Variants in XPR1 observed in about 807,000 individuals in gnomAD.
XPR1 encodes the protein xenotropic and polytropic retrovirus receptor 1, also known as solute carrier family 53 member 1.
A neutral mutation model predicts 87.5 loss-of-function variants in XPR1; 28 were observed. The ratio of observed to expected loss-of-function variants is 0.32; its 90% confidence interval spans 0.24 to 0.44. XPR1 has a LOEUF of 0.44. Among genes scored for constraint, XPR1 ranks in the 20% least tolerant of loss-of-function variants. The pLI, the probability that XPR1 is intolerant of heterozygous loss-of-function variation, is 1.00. For synonymous variants in XPR1, 300 were observed against 306.1 expected, an observed-to-expected ratio of 0.98 and a Z score of 0.21; for missense variants, 559 against 862.3, an observed-to-expected ratio of 0.65 and a Z score of 4.41.
chr1:180,782,509 CAGAGAGAGAAAGAGACAG>C (rs1234369274), intron 2 of XPR1, among the ~76,000 whole-genome samples: 3 of 151,758 alleles, frequency 2.0e-5, no homozygotes, highest in South Asian at 2.1e-4. Context: ...GTGAGGGAGG[CAGAGAGAGAAAGAGACAG>C]AGAGAGAGAA....
intron 2 of XPR1, among the ~76,000 whole-genome samples, chr1:180,715,670 T>C (rs1232297720): frequency 1.3e-5 from 2 of 152,060 alleles, no homozygotes; most frequent in African/African-American, 2.4e-5. Context: ...GTTTTTTTTT[T>C]CTTTATCTTT....
intron 9 of XPR1, among the ~76,000 whole-genome samples, chr1:180,831,742 C>T (rs1289601930): frequency 2.0e-5 from 3 of 152,078 alleles, no homozygotes; most frequent in Non-Finnish European, 4.4e-5. Flanking sequence ...TTTTTTATGG[C>T]TGCATAGTAT....
intron 2 of XPR1, among the ~76,000 whole-genome samples, chr1:180,703,824 A>G (rs1376330741): frequency 6.6e-6 from 1 of 152,198 alleles, no homozygotes. Context: ...TTAAAACTGA[A>G]ATGAATTAAT....
At chr1:180,768,769 T>G (rs557233991) in intron 2 of XPR1, among the ~76,000 whole-genome samples, 251 of 152,344 alleles carry the variant, frequency 1.6e-3, no homozygotes, top group Non-Finnish European at 3.0e-3. Flanking sequence ...ATGTTGTGTT[T>G]TACCTGGTAA....
chr1:180,653,378 A>C lies in XPR1; in HGVS notation c.69+21108A>C, dbSNP rs566268550. 3.3e-5 allele frequency among the ~76,000 whole-genome samples: 5 copies of C among 152,320 alleles called. No individual in the cohort carries two copies. In the East Asian group the frequency reaches 7.7e-4, roughly 23 times the overall value. ...AAGTCTTGGAAATAAAAGGGGAAAT[A>C]TTGGTAAATTGAGAGGCCTAAAGTA... On this transcript the variant is annotated intron_variant, in intron 1 of 14. Coordinates refer to ENST00000367590, the MANE Select transcript of XPR1 (RefSeq NM_004736.4).
At chr1:180,872,974 A>G (rs1652550662) in intron 12 of XPR1, among the ~76,000 whole-genome samples, 1 of 151,318 alleles carries the variant, frequency 6.6e-6, no homozygotes, top group South Asian at 2.1e-4. Context: ...TTTTTTTTAG[A>G]ATAGCATTCT....
At chr1:180,641,709 C>A (rs915024455) in intron 1 of XPR1, among the ~76,000 whole-genome samples, 2 of 151,956 alleles carry the variant, frequency 1.3e-5, no homozygotes, top group Non-Finnish European at 2.9e-5. Flanking sequence ...AATTTTTAAT[C>A]TTTTTTAGAG....
chr1:180,745,346 C>G (rs960298861), intron 2 of XPR1, among the ~76,000 whole-genome samples: 1 of 152,102 alleles, frequency 6.6e-6, no homozygotes, highest in African/African-American at 2.4e-5. Context: ...GAGAGAGAGA[C>G]AGAGAGAGAC....
At chr1:180,785,639 C>T (rs1185728488) in intron 2 of XPR1, among the ~76,000 whole-genome samples, 3 of 151,708 alleles carry the variant, frequency 2.0e-5, no homozygotes, top group Non-Finnish European at 2.9e-5. Flanking sequence ...CCTATGTGAA[C>T]GTTAATATAT....
chr1:180,756,176 A>T lies in XPR1; in HGVS notation c.122-31577A>T, dbSNP rs1004637293. ...GATGCATAACTTAAATCCAATCAGG[A>T]GGAATCATCAGACAAACCTGAATTG... On this transcript the variant is annotated intron_variant, in intron 2 of 14. Coordinates refer to ENST00000367590, the MANE Select transcript of XPR1 (RefSeq NM_004736.4). 8.7e-5 allele frequency among the ~76,000 whole-genome samples: 13 copies of T among 148,876 alleles called. No homozygotes were observed. In the South Asian group the frequency reaches 2.4e-3, roughly 27 times the overall value.
intron 3 of XPR1, among the ~76,000 whole-genome samples, chr1:180,799,820 A>G (rs1235138755): frequency 6.6e-6 from 1 of 152,148 alleles, no homozygotes; most frequent in African/African-American, 2.4e-5. Context: ...TAGAGGTTGT[A>G]TTGATTTTCC....
At chr1:180,697,863 A>G (rs1174329329) in intron 2 of XPR1, among the ~76,000 whole-genome samples, 1 of 152,092 alleles carries the variant, frequency 6.6e-6, no homozygotes, top group African/African-American at 2.4e-5. Flanking sequence ...TTTGTGGCCT[A>G]ACATATGGTC....
intron 1 of XPR1, among the ~76,000 whole-genome samples, chr1:180,679,297 G>C (rs1257775009): frequency 6.6e-6 from 1 of 152,172 alleles, no homozygotes; most frequent in Non-Finnish European, 1.5e-5. Context: ...GCTGGTTCTG[G>C]GGAGGGACCT....
intron 2 of XPR1, among the ~76,000 whole-genome samples, chr1:180,755,120 T>A (rs1368282146): frequency 6.6e-6 from 1 of 152,152 alleles, no homozygotes; most frequent in African/African-American, 2.4e-5. Context: ...ATTACTATAA[T>A]CTCTTGGTTT....
intron 2 of XPR1, among the ~76,000 whole-genome samples, chr1:180,704,462 G>A (rs1657482586): frequency 6.6e-6 from 1 of 151,196 alleles, no homozygotes; most frequent in Non-Finnish European, 1.5e-5. Flanking sequence ...GTATAGGAAA[G>A]ATAGCATAAA....
intron 2 of XPR1, among the ~76,000 whole-genome samples, chr1:180,756,848 A>G (rs1160058041): frequency 6.6e-6 from 1 of 151,654 alleles, no homozygotes; most frequent in East Asian, 1.9e-4. Context: ...TGATAGAAAG[A>G]CTCTCCCTTC....
intron 1 of XPR1, among the ~76,000 whole-genome samples, chr1:180,679,913 T>C (rs2101941192): frequency 6.6e-6 from 1 of 152,140 alleles, no homozygotes; most frequent in South Asian, 2.1e-4. Flanking sequence ...ACTACAAAGC[T>C]TCTGGACAGC....
rs543157501 is a variant in XPR1, at chr1:180,775,555, C to G, written c.122-12198C>G. Among the ~76,000 whole-genome samples, 3 of 152,210 alleles carry G rather than the reference C, an allele frequency of 2.0e-5. No homozygotes were observed. In the South Asian group the frequency reaches 6.2e-4, roughly 32 times the overall value. On this transcript the variant is annotated intron_variant, in intron 2 of 14. Transcript: ENST00000367590. The stretch of plus-strand genomic sequence containing the variant: ...CTTCAGTCTTAATAATAATTTTGAT[C>G]TGTTGCTTTGCAAGAGTGAAAAAGA...
At chr1:180,788,322 T>C (rs772371693) in intron 3 of XPR1, among the ~76,000 whole-genome samples, 4 of 152,218 alleles carry the variant, frequency 2.6e-5, no homozygotes, top group Non-Finnish European at 5.9e-5. Context: ...TTGGAACTTA[T>C]ATATATATTT....
Sources: gnomAD v4.1 joint callset for allele counts (sites outside exome capture counted in the v4.1 genomes callset) on GRCh38, gnomAD v4.1.1 for gene constraint, MANE v1.5 for transcripts, NCBI Gene and HGNC (gene_info 2026-07-23, HGNC 2026-07-21) for gene names.